TAF3: variants seen among roughly 807,000 people sequenced by gnomAD.
TAF3 encodes the protein TATA-box binding protein associated factor 3, also known as transcription initiation factor TFIID subunit 3.
A neutral mutation model predicts 80.6 loss-of-function variants in TAF3; 7 were observed. The observed-to-expected ratio is 0.09, with a 90% CI of 0.05 to 0.16. The LOEUF is 0.16. Ranked by LOEUF, TAF3 falls within the 10% of genes least tolerant of loss-of-function variation. The pLI is 1.00. For missense variants in TAF3, 921 were observed against 1,140.2 expected (o/e 0.81, Z 2.77); for synonymous variants, 444 against 446.1 (o/e 1.00, Z 0.06).
intron 2 of TAF3, among the ~76,000 whole-genome samples, chr10:7,828,377 C>G (rs1301782123): frequency 2.0e-5 from 3 of 152,178 alleles, no homozygotes; most frequent in Admixed American, 2.0e-4. Flanking sequence ...GTGAAGATGA[C>G]AGATGAGGAG....
intron 2 of TAF3, among the ~76,000 whole-genome samples, chr10:7,873,010 T>G (rs1307100503): frequency 1.3e-5 from 2 of 152,110 alleles, no homozygotes; most frequent in Non-Finnish European, 2.9e-5. Context: ...TATAAGTAGT[T>G]TAAAAACAAA....
intron 2 of TAF3, among the ~76,000 whole-genome samples, chr10:7,863,960 G>A (rs1837183346): frequency 6.6e-6 from 1 of 151,776 alleles, no homozygotes; most frequent in Admixed American, 6.6e-5. Flanking sequence ...TAGATTCATA[G>A]CAAAATTGAG....
At chr10:7,999,297 T>C (rs977577181) in intron 4 of TAF3, among the ~76,000 whole-genome samples, 2 of 152,046 alleles carry the variant, frequency 1.3e-5, no homozygotes, top group Non-Finnish European at 2.9e-5. Flanking sequence ...TCTTAGGAAA[T>C]TGACTGTCTA....
chr10:7,996,577 A>G (rs575307284), intron 4 of TAF3, among the ~76,000 whole-genome samples: 1 of 152,214 alleles, frequency 6.6e-6, no homozygotes. Flanking sequence ...TGATCCAGAT[A>G]TGAGGTTTTA....
chr10:7,940,283 A>T (rs1017318945), intron 2 of TAF3, among the ~76,000 whole-genome samples: 3 of 152,244 alleles, frequency 2.0e-5, no homozygotes, highest in African/African-American at 7.2e-5. Context: ...TACATCTCTT[A>T]TCAGGAAACT....
chr10:7,851,639 C>T (rs974359626), intron 2 of TAF3, among the ~76,000 whole-genome samples: 1 of 152,166 alleles, frequency 6.6e-6, no homozygotes, highest in African/African-American at 2.4e-5. Flanking sequence ...CCTTTCCCTT[C>T]TCCCCTTTCA....
intron 5 of TAF3, 123 bp from the exon 6 acceptor site, chr10:8,013,608 A>C (rs1283036933): frequency 1.5e-6 from 1 of 653,046 alleles, no homozygotes. Flanking sequence ...GATCTACTAT[A>C]TTTTTTAGTT....
At chr10:8,003,418 G>A (rs144234593) in intron 4 of TAF3, among the ~76,000 whole-genome samples, 217 of 152,210 alleles carry the variant, frequency 1.4e-3, no homozygotes, top group African/African-American at 4.7e-3. Flanking sequence ...ATTATGTTGT[G>A]TAATGAATTA....
At chr10:7,880,188 A>G (rs1222309152) in intron 2 of TAF3, among the ~76,000 whole-genome samples, 6 of 152,198 alleles carry the variant, frequency 3.9e-5, no homozygotes, top group African/African-American at 4.8e-5. Flanking sequence ...GCAGTGAGCT[A>G]TGATCACTCA....
At chr10:7,883,241 T>G (rs1837378138) in intron 2 of TAF3, among the ~76,000 whole-genome samples, 1 of 152,264 alleles carries the variant, frequency 6.6e-6, no homozygotes, top group Non-Finnish European at 1.5e-5. Context: ...GAACAGTTCC[T>G]CAGCCTGTCT....
At chr10:7,934,291 G>A (rs577812639) in intron 2 of TAF3, among the ~76,000 whole-genome samples, 69 of 152,284 alleles carry the variant, frequency 4.5e-4, no homozygotes, top group African/African-American at 1.5e-3. Context: ...TGCATTGTCA[G>A]AATTTAATTG....
chr10:7,823,624 GA>G (rs1470274566), intron 1 of TAF3, among the ~76,000 whole-genome samples: 2 of 147,948 alleles, frequency 1.4e-5, no homozygotes, highest in Non-Finnish European at 3.0e-5. Flanking sequence ...CAACAAGCAA[GA>G]TGCCATCTCT....
Position 7,965,546 on chromosome 10 carries a change from C to T in TAF3, c.2036C>T (p.Pro679Leu). Residue 679 changes from proline (P) to leucine (L), a missense_variant, in exon 3 of 7, where the codon CCA (proline) becomes CTA (leucine). Around this residue, in one of 6 missense-constraint regions of TAF3, gnomAD observed 743 missense variants for 821.0 expected, o/e 0.90. Coordinates refer to ENST00000344293, the MANE Select transcript of TAF3 (RefSeq NM_031923.4). The stretch of plus-strand genomic sequence containing the variant: ...GCCTCCAGGGTCCCAGCCATGCTGC[C>T]ATCTTTGTTGCCAGTGCTTCCGGAA... The part of the protein sequence containing the change: ...ATASRVPAML[P>L]SLLPVLPEKL... The T allele has an allele frequency of 6.2e-7, 1 of 1,600,900 alleles. No individual in the cohort carries two copies. The highest frequency in any genetic ancestry group is 8.5e-7 in the Non-Finnish European group (1 of 1,176,968).
At chr10:7,839,732 T>C (rs1264169952) in intron 2 of TAF3, among the ~76,000 whole-genome samples, 1 of 152,246 alleles carries the variant, frequency 6.6e-6, no homozygotes, top group African/African-American at 2.4e-5. Flanking sequence ...CTTATTCTTC[T>C]ATTCAGGTTA....
At chr10:7,853,818 T>C (rs1054653700) in intron 2 of TAF3, among the ~76,000 whole-genome samples, 1 of 152,212 alleles carries the variant, frequency 6.6e-6, no homozygotes, top group African/African-American at 2.4e-5. Context: ...TTAAGTGTGC[T>C]CTTCTGTAGT....
At chr10:7,900,645 C>A (rs537840504) in intron 2 of TAF3, among the ~76,000 whole-genome samples, 1 of 152,116 alleles carries the variant, frequency 6.6e-6, no homozygotes, top group African/African-American at 2.4e-5. Context: ...GATTCAGATT[C>A]TTTTAATTAC....
chr10:7,901,083 T>C lies in TAF3; in HGVS notation c.410-62837T>C, dbSNP rs1837554016. Among the ~76,000 whole-genome samples, 5 of 17,892 alleles carry C rather than the reference T, an allele frequency of 2.8e-4. No homozygotes were observed. The South Asian group carries it at 0.012, about 42-fold the overall frequency. 11.7% of individuals were successfully genotyped at this position (17,892 alleles called of 152,430 possible). A position where few individuals can be genotyped will look rare whatever the true frequency, so the allele number is the denominator to read the frequency against. On this transcript the variant is annotated intron_variant, in intron 2 of 6. Transcript: ENST00000344293. ...AGATCCACTGCATTTGATTATAATT[T>C]ATTTTTAAATGCCCTCATATTATAA...
intron 2 of TAF3, among the ~76,000 whole-genome samples, chr10:7,920,828 C>T (rs1441073703): frequency 1.3e-5 from 2 of 152,122 alleles, no homozygotes; most frequent in African/African-American, 4.8e-5. Flanking sequence ...GAATTTTTGT[C>T]AATTTAGAAA....
At chr10:7,988,061 C>T (rs1215774496) in intron 4 of TAF3, among the ~76,000 whole-genome samples, 1 of 152,038 alleles carries the variant, frequency 6.6e-6, no homozygotes, top group Non-Finnish European at 1.5e-5. Flanking sequence ...TGAATTTAGT[C>T]ATAATATTTA....
Sources: allele counts gnomAD v4.1 joint callset (sites outside exome capture counted in the v4.1 genomes callset), GRCh38; gene constraint gnomAD v4.1.1; regional missense constraint gnomAD v4.1.1; transcripts MANE v1.5; gene names NCBI Gene and HGNC (gene_info 2026-07-23, HGNC 2026-07-21).